MSRA: variants seen among roughly 807,000 people sequenced by gnomAD.
MSRA encodes the protein methionine sulfoxide reductase A.
In MSRA, 54 loss-of-function variants were observed where a neutral mutation model predicts 31.3. The observed-to-expected ratio is 1.73, with a 90% CI of 1.39 to 2.17. The LOEUF is 2.17. Ranked by LOEUF, MSRA falls within the 30% of genes most tolerant of loss-of-function variation. The pLI, the probability that MSRA is intolerant of heterozygous loss-of-function variation, is 0.00. For missense variants in MSRA, 507 were observed against 300.9 expected (o/e 1.69, Z -5.07); for synonymous variants, 169 against 116.5 (o/e 1.45, Z -2.90).
intron 1 of MSRA, among the ~76,000 whole-genome samples, chr8:10,101,779 A>G (rs1212430071): frequency 6.6e-6 from 1 of 152,244 alleles, no homozygotes; most frequent in East Asian, 1.9e-4. Context: ...TTCTTTCTCC[A>G]TTCATCTGCC....
At chr8:10,104,875 G>T (rs1353400386) in intron 1 of MSRA, among the ~76,000 whole-genome samples, 1 of 152,104 alleles carries the variant, frequency 6.6e-6, no homozygotes, top group Non-Finnish European at 1.5e-5. Context: ...TTTATTTTTG[G>T]TTTCCAGTAC....
intron 5 of MSRA, among the ~76,000 whole-genome samples, chr8:10,417,106 C>T (rs1808507208): frequency 6.6e-6 from 1 of 152,198 alleles, no homozygotes; most frequent in Non-Finnish European, 1.5e-5. Context: ...AGAGGCCGTG[C>T]ATTTGCATAA....
chr8:10,214,042 T>C (rs1209942206), intron 2 of MSRA, among the ~76,000 whole-genome samples: 20 of 152,160 alleles, frequency 1.3e-4, no homozygotes, highest in Admixed American at 1.2e-3. Flanking sequence ...CTGATGGCAA[T>C]GTCTCTCTGA....
At chr8:10,416,757 C>A (rs551340730) in intron 5 of MSRA, among the ~76,000 whole-genome samples, 7 of 152,302 alleles carry the variant, frequency 4.6e-5, no homozygotes, top group Admixed American at 2.0e-4. Context: ...GGGGAAGGGC[C>A]CAGACTTTGC....
At chr8:10,227,972 C>T (rs1344726446) in intron 2 of MSRA, among the ~76,000 whole-genome samples, 1 of 152,134 alleles carries the variant, frequency 6.6e-6, no homozygotes, top group Non-Finnish European at 1.5e-5. Flanking sequence ...ATTCATCTTC[C>T]TTGTTCCTAG....
At chr8:10,080,654 T>C (rs1798245371) in intron 1 of MSRA, among the ~76,000 whole-genome samples, 1 of 151,564 alleles carries the variant, frequency 6.6e-6, no homozygotes, top group South Asian at 2.1e-4. Context: ...GCCTCCTTAG[T>C]GGCTGGGACT....
chr8:10,238,215 C>G (rs138739160), intron 2 of MSRA, among the ~76,000 whole-genome samples: 3 of 152,196 alleles, frequency 2.0e-5, no homozygotes, highest in African/African-American at 7.2e-5. Context: ...CTGGGGATAT[C>G]TGAATGGGTG....
chr8:10,054,766 G>C (rs912775716), intron 1 of MSRA, 108 bp downstream of exon 1: 13 of 1,249,282 alleles, frequency 1.0e-5, no homozygotes, highest in Non-Finnish European at 1.3e-5. Context: ...CTGGCCTCGG[G>C]CGGGTCGCGG....
intron 1 of MSRA, among the ~76,000 whole-genome samples, chr8:10,107,116 A>G (rs1487116448): frequency 6.6e-6 from 1 of 152,206 alleles, no homozygotes; most frequent in East Asian, 1.9e-4. Context: ...ACTACAGATC[A>G]GTAAATGTGG....
At chr8:10,178,108 A>C (rs943452765) in intron 1 of MSRA, among the ~76,000 whole-genome samples, 8 of 152,232 alleles carry the variant, frequency 5.3e-5, no homozygotes, top group Non-Finnish European at 5.9e-5. Context: ...CTTTGTGATT[A>C]TATCAGAGCA....
At chr8:10,311,718 G>T (rs1801444238) in intron 4 of MSRA, among the ~76,000 whole-genome samples, 1 of 152,140 alleles carries the variant, frequency 6.6e-6, no homozygotes, top group Non-Finnish European at 1.5e-5. Context: ...TTCAGGACCA[G>T]TCTGGGTGAC....
intron 1 of MSRA, among the ~76,000 whole-genome samples, chr8:10,153,825 A>G (rs900328984): frequency 6.6e-6 from 1 of 152,232 alleles, no homozygotes. Flanking sequence ...TTGGTTTTCA[A>G]ATCTCATATT....
At chr8:10,157,101 T>C (rs1804221702) in intron 1 of MSRA, among the ~76,000 whole-genome samples, 1 of 152,050 alleles carries the variant, frequency 6.6e-6, no homozygotes, top group East Asian at 1.9e-4. Flanking sequence ...ACCCAGTTCT[T>C]TCTGACTCTA....
At chr8:10,058,675 T>C (rs995986662) in intron 1 of MSRA, among the ~76,000 whole-genome samples, 2 of 152,336 alleles carry the variant, frequency 1.3e-5, no homozygotes, top group African/African-American at 4.8e-5. Context: ...TTAGGCTTAA[T>C]GAAGAAACGT....
Position 10,114,040 on chromosome 8 carries a change from C to T in MSRA, c.142+59382C>T, listed in dbSNP as rs1244032761. ...GGATTTGTCTATTCTGGACCTTTCACGTCAATAGAATCATGTAATAGGTGG... is the reference window on the plus strand; with the variant it reads ...GGATTTGTCTATTCTGGACCTTTCATGTCAATAGAATCATGTAATAGGTGG... On this transcript the variant is annotated intron_variant, in intron 1 of 5. Coordinates refer to ENST00000317173, the MANE Select transcript of MSRA (RefSeq NM_012331.5). Among the ~76,000 whole-genome samples the T allele has an allele frequency of 2.6e-5, 4 of 152,174 alleles. No homozygotes were observed. The East Asian group carries it at 5.8e-4, about 22-fold the overall frequency.
At chr8:10,202,774 C>G (rs942265593) in intron 1 of MSRA, among the ~76,000 whole-genome samples, 1 of 152,178 alleles carries the variant, frequency 6.6e-6, no homozygotes, top group African/African-American at 2.4e-5. Flanking sequence ...GGACACTGTT[C>G]TGAGTGCTTT....
chr8:10,340,235 C>G (rs570055014), intron 5 of MSRA, among the ~76,000 whole-genome samples: 3 of 152,180 alleles, frequency 2.0e-5, no homozygotes, highest in Admixed American at 2.0e-4. Context: ...TCAGGTCTCC[C>G]AAGCTGACCC....
At chr8:10,322,742 A>G (rs539336353) in intron 5 of MSRA, among the ~76,000 whole-genome samples, 23 of 152,146 alleles carry the variant, frequency 1.5e-4, no homozygotes, top group Non-Finnish European at 3.1e-4. Flanking sequence ...GTCAACTTAT[A>G]TTTGCTAAAT....
At chr8:10,136,473 C>A (rs1170990726) in intron 1 of MSRA, among the ~76,000 whole-genome samples, 2 of 152,184 alleles carry the variant, frequency 1.3e-5, no homozygotes, top group African/African-American at 4.8e-5. Flanking sequence ...CGGGAGCCCA[C>A]AAGATTAAAA....
Sources: gnomAD v4.1 joint callset for allele counts (sites outside exome capture counted in the v4.1 genomes callset) on GRCh38, gnomAD v4.1.1 for gene constraint, MANE v1.5 for transcripts, NCBI Gene and HGNC (gene_info 2026-07-23, HGNC 2026-07-21) for gene names.